The following F13A1 variants were observed in gnomAD, a reference collection of about 807,000 sequenced individuals.
F13A1 encodes the protein FSF, A subunit.
In F13A1, 47 loss-of-function variants were observed where a neutral mutation model predicts 80.1. The ratio of observed to expected loss-of-function variants is 0.59; its 90% CI spans 0.46 to 0.75. The LOEUF is 0.75. F13A1 is among the 30% of genes least tolerant of loss of function. The pLI, the probability that F13A1 is intolerant of heterozygous loss-of-function variation, is 0.00. For synonymous variants in F13A1, 349 were observed against 344.9 expected, an observed-to-expected ratio of 1.01 and a Z score of -0.13; for missense variants, 817 against 930.4, an observed-to-expected ratio of 0.88 and a Z score of 1.59.
intron 2 of F13A1, among the ~76,000 whole-genome samples, chr6:6,311,472 G>A (rs1009406526): frequency 3.3e-5 from 5 of 149,924 alleles, no homozygotes; most frequent in Non-Finnish European, 7.4e-5. Flanking sequence ...GATAACAAAG[G>A]GTGAGAAAAA....
chr6:6,150,615 G>A (rs891863171), intron 14 of F13A1, among the ~76,000 whole-genome samples: 3 of 152,186 alleles, frequency 2.0e-5, no homozygotes, highest in Non-Finnish European at 4.4e-5. Flanking sequence ...GAGTGGGGTC[G>A]CTTCCATAAA....
At chr6:6,311,573 T>C (rs36160039) in intron 2 of F13A1, among the ~76,000 whole-genome samples, 75,398 of 127,482 alleles carry the variant, frequency 0.59, 21,406 homozygotes, top group East Asian at 0.85. Flanking sequence ...TTTTCCATAG[T>C]GTAAACAAAC....
At chr6:6,238,092 G>A (rs889068195) in intron 6 of F13A1, among the ~76,000 whole-genome samples, 2 of 152,132 alleles carry the variant, frequency 1.3e-5, no homozygotes, top group African/African-American at 2.4e-5. Flanking sequence ...AAGGCAGTGT[G>A]GTATTGTCAT....
intron 6 of F13A1, among the ~76,000 whole-genome samples, chr6:6,239,232 T>A (rs1757454083): frequency 6.6e-6 from 1 of 152,124 alleles, no homozygotes; most frequent in Admixed American, 6.6e-5. Flanking sequence ...CAGCCCTATT[T>A]CTACTGTGTG....
At chr6:6,209,972 T>C (rs1761572669) in intron 8 of F13A1, among the ~76,000 whole-genome samples, 1 of 151,866 alleles carries the variant, frequency 6.6e-6, no homozygotes, top group Admixed American at 6.6e-5. Context: ...ATGCCTGTAA[T>C]CCCAGCACTC....
At chr6:6,199,060 T>C (rs1174517133) in intron 8 of F13A1, among the ~76,000 whole-genome samples, 1 of 152,216 alleles carries the variant, frequency 6.6e-6, no homozygotes, top group South Asian at 2.1e-4. Flanking sequence ...TGTTTGAACA[T>C]TCAGGTTCAT....
chr6:6,291,791 C>T (rs903263519), intron 3 of F13A1, among the ~76,000 whole-genome samples: 1 of 152,176 alleles, frequency 6.6e-6, no homozygotes, highest in African/African-American at 2.4e-5. Flanking sequence ...CCACTGCTGA[C>T]TTGATTTACC....
At chr6:6,274,767 G>C (rs1424412577) in intron 3 of F13A1, among the ~76,000 whole-genome samples, 1 of 152,226 alleles carries the variant, frequency 6.6e-6, no homozygotes, top group Admixed American at 6.5e-5. Flanking sequence ...AACAGTGTCT[G>C]TGGAAGTTGA....
chr6:6,311,044 T>C (rs763464878), intron 2 of F13A1, among the ~76,000 whole-genome samples: 86,567 of 150,400 alleles, frequency 0.58, 26,223 homozygotes, highest in East Asian at 0.85. Flanking sequence ...CTGTCTTTTT[T>C]TTTTTAAAAA....
chr6:6,199,338 A>C (rs929188371), intron 8 of F13A1, among the ~76,000 whole-genome samples: 2 of 151,962 alleles, frequency 1.3e-5, no homozygotes, highest in African/African-American at 4.8e-5. Flanking sequence ...AAATACAAAA[A>C]AATTAGCTGG....
At chr6:6,204,067 A>G (rs936920373) in intron 8 of F13A1, among the ~76,000 whole-genome samples, 13 of 152,172 alleles carry the variant, frequency 8.5e-5, no homozygotes, top group Non-Finnish European at 1.2e-4. Context: ...GGTGGTGAAG[A>G]GCTGGACAGA....
intron 5 of F13A1, 89 bp from the exon 6 acceptor site, chr6:6,248,508 TA>T: frequency 1.0e-6 from 1 of 987,324 alleles, no homozygotes; most frequent in Non-Finnish European, 1.6e-6. Context: ...AACCACAACC[TA>T]ATGTTTAGAA....
chr6:6,248,011 G>T (rs2113098205), intron 6 of F13A1, among the ~76,000 whole-genome samples: 1 of 152,328 alleles, frequency 6.6e-6, no homozygotes. Flanking sequence ...TTTTTGTCAT[G>T]ATCACTCCTC....
chr6:6,269,376 G>A (rs1757889107), intron 3 of F13A1, among the ~76,000 whole-genome samples: 1 of 151,944 alleles, frequency 6.6e-6, no homozygotes, highest in African/African-American at 2.4e-5. Flanking sequence ...AATTAGGATG[G>A]GTTTACCAAT....
chr6:6,268,143 T>G (rs1757871245), intron 3 of F13A1, among the ~76,000 whole-genome samples: 1 of 152,190 alleles, frequency 6.6e-6, no homozygotes, highest in Admixed American at 6.5e-5. Flanking sequence ...ATTCATATAT[T>G]GATATTGCCT....
At chr6:6,311,710 CAAAT>C (rs1271723589) in intron 2 of F13A1, among the ~76,000 whole-genome samples, 2 of 90,664 alleles carry the variant, frequency 2.2e-5, no homozygotes, top group Non-Finnish European at 4.2e-5. Flanking sequence ...TGGATATAAA[CAAAT>C]AATATATTAC....
At chr6:6,206,479 A>G in intron 8 of F13A1, 1 of 471,338 alleles carries the variant, frequency 2.1e-6, no homozygotes, top group South Asian at 1.5e-5. Context: ...CCAAGAAGTT[A>G]TTACAATGAC....
At chr6:6,286,472 T>G (rs1183087827) in intron 3 of F13A1, among the ~76,000 whole-genome samples, 4 of 152,230 alleles carry the variant, frequency 2.6e-5, no homozygotes, top group Admixed American at 2.6e-4. Flanking sequence ...AAGTGTATTT[T>G]CTTTCCTTTC....
intron 3 of F13A1, among the ~76,000 whole-genome samples, chr6:6,284,525 A>C (rs1758109058): frequency 6.6e-6 from 1 of 152,286 alleles, no homozygotes; most frequent in Admixed American, 6.5e-5. Context: ...GCACTAACCA[A>C]GCAATAACAG....
Sources: gnomAD v4.1 joint callset for allele counts (sites outside exome capture counted in the v4.1 genomes callset) on GRCh38, gnomAD v4.1.1 for gene constraint, MANE v1.5 for transcripts, NCBI Gene and HGNC (gene_info 2026-07-23, HGNC 2026-07-21) for gene names.